ANKRD11: variants seen among roughly 807,000 people sequenced by gnomAD.
The protein encoded by ANKRD11 is ankyrin repeat domain-containing protein 11.
A neutral mutation model predicts 195.7 loss-of-function variants in ANKRD11; 17 were observed. That is an observed-to-expected ratio of 0.09 (90% CI 0.06 to 0.13). The LOEUF (loss-of-function observed/expected upper bound fraction) is 0.13, where lower values mean the gene tolerates loss of function less well. Ranked by LOEUF, ANKRD11 falls within the 10% of genes least tolerant of loss-of-function variation. The pLI, the probability that ANKRD11 is intolerant of heterozygous loss-of-function variation, is 1.00. For missense variants in ANKRD11, 3,735 were observed against 3,566.1 expected (o/e 1.05, Z -1.21); for synonymous variants, 1,953 against 1,528.1 (o/e 1.28, Z -6.49).
At position 89,280,560 on chromosome 16, in the gene ANKRD11, G is replaced by A. The variant is rs761984613; in HGVS notation, c.5982C>T (p.Phe1994=). 3.7e-6 allele frequency: 6 copies of A among 1,613,138 alleles called. No homozygotes were observed. Among genetic ancestry groups the A allele is most frequent in the South Asian group, 1.1e-5 (1 of 91,088 alleles). The change falls in exon 9 of 13, where the codon TTC becomes TTT. Residue 1994 remains phenylalanine (F), a synonymous_variant. Transcript: ENST00000301030. ...CAGAGTGGAGGGGGTCCGCGGGGCA[G>A]AAACGCTTTGGGGACTCGGGGAATC... ...PQRFPESPKR[F]CPADPLHSAA... is the part of the protein sequence containing the mutation.
chr16:89,417,201 G>C (rs1183699271), intron 2 of ANKRD11, among the ~76,000 whole-genome samples: 1 of 152,222 alleles, frequency 6.6e-6, no homozygotes, highest in Non-Finnish European at 1.5e-5. Context: ...AGGCGACTGA[G>C]ATAAGGAACA....
At chr16:89,351,431 G>A (rs781292406) in intron 2 of ANKRD11, among the ~76,000 whole-genome samples, 28 of 152,220 alleles carry the variant, frequency 1.8e-4, no homozygotes, top group Non-Finnish European at 3.5e-4. Flanking sequence ...CACTACCTCC[G>A]CAAATCACTC....
At chr16:89,308,693 G>C (rs1471287452) in intron 3 of ANKRD11, among the ~76,000 whole-genome samples, 2 of 152,156 alleles carry the variant, frequency 1.3e-5, no homozygotes, top group Non-Finnish European at 2.9e-5. Flanking sequence ...GGATGTTCAA[G>C]GCAGTTTTGT....
chr16:89,479,784 A>C (rs1018647568), intron 1 of ANKRD11, among the ~76,000 whole-genome samples: 1 of 151,876 alleles, frequency 6.6e-6, no homozygotes, highest in Non-Finnish European at 1.5e-5. Context: ...TCCACTAAAA[A>C]TACAAAAAAT....
In ANKRD11 at chr16:89,473,586, C is replaced by T. The variant is rs775393889; in HGVS notation, c.-145+16659G>A. On this transcript the variant is annotated intron_variant, in intron 1 of 12. Transcript: ENST00000301030. ...TCTACTTCCGTTCTACAAGTGGGTC[C>T]GGGAATGCATGCAAATGGAGGAGAG... Among the ~76,000 whole-genome samples the T allele has an allele frequency of 2.6e-5, 4 of 152,174 alleles. 1 individual carries two copies. The East Asian group carries it at 5.8e-4, about 22-fold the overall frequency.
chr16:89,434,493 G>A (rs999593757), intron 1 of ANKRD11, among the ~76,000 whole-genome samples: 3 of 152,210 alleles, frequency 2.0e-5, no homozygotes, highest in African/African-American at 7.2e-5. Flanking sequence ...GCAGCACCGC[G>A]CAGTCCTGTG....
At chr16:89,470,086 T>A (rs1018505123) in intron 1 of ANKRD11, among the ~76,000 whole-genome samples, 10 of 151,640 alleles carry the variant, frequency 6.6e-5, no homozygotes, top group Admixed American at 6.6e-4. Context: ...TTTTGTATTT[T>A]TAGTAGAGAC....
At chr16:89,344,190 G>A (rs1209728500) in intron 2 of ANKRD11, among the ~76,000 whole-genome samples, 1 of 152,180 alleles carries the variant, frequency 6.6e-6, no homozygotes, top group Non-Finnish European at 1.5e-5. Flanking sequence ...CAGATTCCCA[G>A]CCCCTAAGTC....
intron 2 of ANKRD11, among the ~76,000 whole-genome samples, chr16:89,369,043 T>C (rs1025287579): frequency 2.6e-5 from 4 of 152,096 alleles, no homozygotes; most frequent in African/African-American, 9.7e-5. Flanking sequence ...GACCCCCCAC[T>C]GGCACCCATT....
At chr16:89,453,509 C>T (rs1408875855) in intron 1 of ANKRD11, among the ~76,000 whole-genome samples, 1 of 152,216 alleles carries the variant, frequency 6.6e-6, no homozygotes, top group Non-Finnish European at 1.5e-5. Flanking sequence ...CACAGGAACA[C>T]GTCCTGCCTG....
chr16:89,352,464 A>AGG (rs751866568), intron 2 of ANKRD11, among the ~76,000 whole-genome samples: 8 of 151,628 alleles, frequency 5.3e-5, no homozygotes, highest in Non-Finnish European at 1.2e-4. Context: ...CTGGGCACAG[A>AGG]GGAATGTCAG....
chr16:89,309,711 G>A (rs1354437878), intron 3 of ANKRD11, among the ~76,000 whole-genome samples: 1 of 152,158 alleles, frequency 6.6e-6, no homozygotes, highest in Non-Finnish European at 1.5e-5. Context: ...CCCTGTTTCG[G>A]CCCCTCTAAC....
intron 2 of ANKRD11, among the ~76,000 whole-genome samples, chr16:89,391,837 T>C (rs2041213019): frequency 6.6e-6 from 1 of 152,244 alleles, no homozygotes; most frequent in Admixed American, 6.5e-5. Flanking sequence ...GTACTGACAT[T>C]CTTAAATATC....
At chr16:89,462,681 C>T (rs1266574512) in intron 1 of ANKRD11, among the ~76,000 whole-genome samples, 6 of 151,314 alleles carry the variant, frequency 4.0e-5, no homozygotes, top group African/African-American at 1.2e-4. Context: ...TCTGCCCGGC[C>T]GCCCATCGTC....
At chr16:89,440,063 C>G (rs1020053119) in intron 1 of ANKRD11, among the ~76,000 whole-genome samples, 5 of 152,190 alleles carry the variant, frequency 3.3e-5, no homozygotes, top group African/African-American at 9.7e-5. Context: ...CAGAGGAGAT[C>G]ACAGCCTTTC....
intron 2 of ANKRD11, among the ~76,000 whole-genome samples, chr16:89,341,144 C>G (rs1182477729): frequency 6.6e-6 from 1 of 152,196 alleles, no homozygotes; most frequent in Non-Finnish European, 1.5e-5. Flanking sequence ...AAGGTTTCCA[C>G]TGCGAAAAGC....
chr16:89,356,747 C>T (rs1411097417), intron 2 of ANKRD11, among the ~76,000 whole-genome samples: 1 of 142,488 alleles, frequency 7.0e-6, no homozygotes, highest in Non-Finnish European at 1.5e-5. Flanking sequence ...CACCACTGCA[C>T]TCTAGCCTGG....
intron 4 of ANKRD11, among the ~76,000 whole-genome samples, chr16:89,303,707 C>G (rs2035984424): frequency 6.6e-6 from 1 of 152,208 alleles, no homozygotes; most frequent in Non-Finnish European, 1.5e-5. Flanking sequence ...GTGAGCACAT[C>G]CCTGGAGCAC....
chr16:89,444,397 T>G (rs921839992), intron 1 of ANKRD11, among the ~76,000 whole-genome samples: 2 of 151,168 alleles, frequency 1.3e-5, no homozygotes, highest in Non-Finnish European at 2.9e-5. Flanking sequence ...AGCAGGTGCG[T>G]ACTAAACATT....
Sources: gnomAD v4.1 joint callset for allele counts (sites outside exome capture counted in the v4.1 genomes callset) on GRCh38, gnomAD v4.1.1 for gene constraint, MANE v1.5 for transcripts, NCBI Gene and HGNC (gene_info 2026-07-23, HGNC 2026-07-21) for gene names.